PRKCZ: variants seen among roughly 807,000 people sequenced by gnomAD.
PRKCZ encodes the protein protein kinase C zeta type.
A neutral mutation model predicts 79.5 loss-of-function variants in PRKCZ; 33 were observed. The observed-to-expected ratio is 0.41, with a 90% CI of 0.31 to 0.55. The LOEUF (loss-of-function observed/expected upper bound fraction) is 0.55. Ranked by LOEUF, PRKCZ falls within the 20% of genes least tolerant of loss-of-function variation. The pLI is 0.19. For synonymous variants in PRKCZ, 342 were observed against 320.9 expected (o/e 1.07, Z -0.70); for missense variants, 578 against 813.5 (o/e 0.71, Z 3.52).
chr1:2,097,298 C>T (rs12563290), intron 4 of PRKCZ, among the ~76,000 whole-genome samples: 9 of 152,180 alleles, frequency 5.9e-5, no homozygotes, highest in African/African-American at 1.2e-4. Flanking sequence ...CGTCATATTC[C>T]GAGTGTGACC....
At chr1:2,151,303 G>A (rs1330326017) in intron 9 of PRKCZ, among the ~76,000 whole-genome samples, 1 of 152,236 alleles carries the variant, frequency 6.6e-6, no homozygotes. Flanking sequence ...CACACTGCAG[G>A]CAGTGAGGGG....
chr1:2,057,986 C>G (rs1019829069), intron 3 of PRKCZ, among the ~76,000 whole-genome samples: 10 of 151,994 alleles, frequency 6.6e-5, no homozygotes, highest in African/African-American at 2.4e-4. Context: ...TTCTGCCTCA[C>G]CCTCCCAAGT....
At chr1:2,064,327 CT>C (rs1660949773) in intron 4 of PRKCZ, among the ~76,000 whole-genome samples, 1 of 151,996 alleles carries the variant, frequency 6.6e-6, no homozygotes, top group African/African-American at 2.4e-5. Flanking sequence ...TGTTTTTTTA[CT>C]TTGTTGATAG....
At chr1:2,061,334 G>C (rs757722695) in intron 4 of PRKCZ, among the ~76,000 whole-genome samples, 1 of 151,918 alleles carries the variant, frequency 6.6e-6, no homozygotes, top group Non-Finnish European at 1.5e-5. Flanking sequence ...CTCTCTGCCC[G>C]TGTGGACAAC....
intron 4 of PRKCZ, among the ~76,000 whole-genome samples, chr1:2,088,265 C>T (rs1664882162): frequency 6.6e-6 from 1 of 152,134 alleles, no homozygotes; most frequent in South Asian, 2.1e-4. Flanking sequence ...GTCCTCCTCA[C>T]TGCTCCCTCC....
intron 4 of PRKCZ, among the ~76,000 whole-genome samples, chr1:2,083,097 C>T (rs148234527): frequency 8.5e-5 from 13 of 152,284 alleles, no homozygotes; most frequent in Middle Eastern, 3.4e-3. Context: ...TTTTCAAACA[C>T]GTATCGTTAG....
intron 4 of PRKCZ, among the ~76,000 whole-genome samples, chr1:2,063,126 C>T (rs978452863): frequency 2.6e-5 from 4 of 152,056 alleles, no homozygotes; most frequent in Admixed American, 6.6e-5. Flanking sequence ...AAGACTGAAC[C>T]GCAGGCTGCT....
At chr1:2,104,877 GAGAA>G in intron 4 of PRKCZ, 1 of 985,518 alleles carries the variant, frequency 1.0e-6, no homozygotes, top group Non-Finnish European at 1.2e-6. Flanking sequence ...TCTTCAGAGA[GAGAA>G]GAGCAGTTTT....
intron 2 of PRKCZ, 128 bp from the exon 3 acceptor site, chr1:2,056,356 G>C: frequency 1.2e-6 from 1 of 811,746 alleles, no homozygotes; most frequent in African/African-American, 1.8e-5. Context: ...CCTGCCAGGA[G>C]GTGGCCAGTC....
chr1:2,056,873 C>T (rs551874382), intron 3 of PRKCZ, among the ~76,000 whole-genome samples: 8 of 151,822 alleles, frequency 5.3e-5, no homozygotes, highest in Non-Finnish European at 8.8e-5. Context: ...GGACTACAGG[C>T]GCCCGCCACC....
intron 4 of PRKCZ, among the ~76,000 whole-genome samples, chr1:2,110,284 A>C (rs35367370): frequency 1.2e-4 from 18 of 151,324 alleles, no homozygotes; most frequent in African/African-American, 1.9e-4. Context: ...AGAGGTGAGA[A>C]ACAGAACGGC....
Position 2,173,391 on chromosome 1 carries a change from C to T in PRKCZ, c.1286-506C>T, listed in dbSNP as rs1057157293. 2.6e-5 allele frequency among the ~76,000 whole-genome samples: 4 copies of T among 152,130 alleles called. No homozygotes were observed. The highest frequency in any genetic ancestry group is 4.8e-5 in the African/African-American group (2 of 41,412). ...CAGGGACCAGGGGGACTTCCGGGGACGCAGAGACAGCTGCTGTCCTTGGGC... is the reference window on the plus strand; with the variant it reads ...CAGGGACCAGGGGGACTTCCGGGGATGCAGAGACAGCTGCTGTCCTTGGGC... On this transcript the variant is annotated intron_variant, in intron 13 of 17. Transcript: ENST00000378567. This position sits in a 1 kb window ranked among gnomAD's most constrained non-coding sequence, Gnocchi z 5.7.
At chr1:2,184,310 G>A in intron 16 of PRKCZ, 1 of 385,490 alleles carries the variant, frequency 2.6e-6, no homozygotes, top group South Asian at 2.6e-5. Flanking sequence ...GGAAGGGGGT[G>A]GCCTCGCATG....
At position 2,134,992 on chromosome 1, in the gene PRKCZ, G is replaced by T. The variant is rs1025154471; in HGVS notation, c.335-270G>T. 4.1e-5 allele frequency: 12 copies of T among 295,020 alleles called. No individual in the cohort carries two copies. The Admixed American group carries it at 5.3e-4, about 13-fold the overall frequency. The allele number at this position is 295,020 out of a possible 1,614,324, so 18.3% of individuals were successfully genotyped here. A position where few individuals can be genotyped will look rare whatever the true frequency, so the allele number is the denominator to read the frequency against. ...TCCACTGTCAGCAAGCGGCCGTCCC[G>T]TGGTGGATCCTGTCCGCCCTGCGAG... On this transcript the variant is annotated intron_variant, in intron 4 of 17. Transcript: ENST00000378567.
At chr1:2,062,344 C>G (rs1324568180) in intron 4 of PRKCZ, among the ~76,000 whole-genome samples, 1 of 152,144 alleles carries the variant, frequency 6.6e-6, no homozygotes, top group Non-Finnish European at 1.5e-5. Flanking sequence ...TGGAATCCTG[C>G]ATGTTTGTCC....
intron 6 of PRKCZ, chr1:2,144,696 C>T: frequency 1.0e-6 from 1 of 989,342 alleles, no homozygotes; most frequent in South Asian, 3.3e-5. Context: ...GACCTAGTAG[C>T]ATTGGGCACG....
At chr1:2,054,074 C>A (rs13303289) in intron 1 of PRKCZ, among the ~76,000 whole-genome samples, 1 of 151,988 alleles carries the variant, frequency 6.6e-6, no homozygotes, top group African/African-American at 2.4e-5. Context: ...GGCTGTGGAC[C>A]GATCCTGTGT....
At chr1:2,119,380 A>G (rs985420099) in intron 4 of PRKCZ, among the ~76,000 whole-genome samples, 1 of 151,528 alleles carries the variant, frequency 6.6e-6, no homozygotes, top group Non-Finnish European at 1.5e-5. Flanking sequence ...ATGCCCAACT[A>G]TTTTTTGTAT....
chr1:2,071,849 C>T (rs755167006), intron 4 of PRKCZ, among the ~76,000 whole-genome samples: 11 of 152,314 alleles, frequency 7.2e-5, no homozygotes, highest in Non-Finnish European at 1.6e-4. Context: ...CTGCTTCTGT[C>T]CAGGGCCAGG....
Sources: gnomAD v4.1 joint callset for allele counts (sites outside exome capture counted in the v4.1 genomes callset) on GRCh38, gnomAD v4.1.1 for gene constraint, Gnocchi (gnomAD v3.1) non-coding constraint, MANE v1.5 for transcripts, NCBI Gene and HGNC (gene_info 2026-07-23, HGNC 2026-07-21) for gene names.